The following PRKG1 variants were observed in gnomAD, a reference collection of about 807,000 sequenced individuals.
The protein encoded by PRKG1 is protein kinase cGMP-dependent 1.
Under a neutral mutation model 88.1 loss-of-function variants are expected in PRKG1, and 35 were observed. That is an observed-to-expected ratio of 0.40 (90% confidence interval 0.30 to 0.53). PRKG1 has a LOEUF of 0.53. Among genes scored for constraint, PRKG1 ranks in the 20% least tolerant of loss-of-function variants. The pLI is 0.59. For missense variants in PRKG1, 540 were observed against 839.8 expected (o/e 0.64, Z 4.41); for synonymous variants, 303 against 292.5 (o/e 1.04, Z -0.37).
intron 6 of PRKG1, among the ~76,000 whole-genome samples, chr10:52,057,616 T>C (rs374814512): frequency 1.3e-5 from 2 of 152,170 alleles, no homozygotes; most frequent in Non-Finnish European, 2.9e-5. Flanking sequence ...CTCAAATAGA[T>C]TTTGATTTTT....
At chr10:51,963,419 T>C (rs1460618689) in intron 5 of PRKG1, among the ~76,000 whole-genome samples, 4 of 152,098 alleles carry the variant, frequency 2.6e-5, no homozygotes, top group Non-Finnish European at 5.9e-5. Context: ...TTAGATCTAG[T>C]GTCTTATTTT....
At chr10:51,110,028 A>G (rs981197699) in intron 1 of PRKG1, among the ~76,000 whole-genome samples, 1 of 152,152 alleles carries the variant, frequency 6.6e-6, no homozygotes, top group African/African-American at 2.4e-5. Flanking sequence ...GTGAATCATT[A>G]GAATGATTAA....
intron 9 of PRKG1, among the ~76,000 whole-genome samples, chr10:52,217,301 G>T (rs1404678828): frequency 6.6e-6 from 1 of 151,554 alleles, no homozygotes; most frequent in East Asian, 1.9e-4. Context: ...AGAGATGTGC[G>T]GGGTAAATAT....
chr10:51,663,362 T>C (rs1025722607), intron 3 of PRKG1, among the ~76,000 whole-genome samples: 1 of 152,116 alleles, frequency 6.6e-6, no homozygotes, highest in Admixed American at 6.6e-5. Flanking sequence ...TTTCATCTTA[T>C]AGCTTATTCC....
intron 1 of PRKG1, among the ~76,000 whole-genome samples, chr10:51,124,636 TG>T (rs150126180): frequency 1.2e-4 from 19 of 152,330 alleles, no homozygotes; most frequent in Admixed American, 3.9e-4. Flanking sequence ...CTTTTATGTA[TG>T]AAAGATCTTA....
chr10:51,011,581 A>C (rs4935211), intron 1 of PRKG1, among the ~76,000 whole-genome samples: 27,513 of 152,188 alleles, frequency 0.18, 3,081 homozygotes, highest in South Asian at 0.3. Context: ...TGGCTGCCAA[A>C]AATTATTTAA....
chr10:51,079,285 G>A (rs953632656), intron 1 of PRKG1, among the ~76,000 whole-genome samples: 4 of 152,150 alleles, frequency 2.6e-5, no homozygotes, highest in African/African-American at 4.8e-5. Flanking sequence ...GATAGAGTAA[G>A]GTAAGTCACA....
In PRKG1 at chr10:52,016,660, A is replaced by T. The variant is rs544341643; in HGVS notation, c.763-37824A>T. Among the ~76,000 whole-genome samples the T allele has an allele frequency of 2.0e-5, 3 of 152,334 alleles. No individual in the cohort carries two copies. The South Asian group carries it at 6.2e-4, about 32-fold the overall frequency. ...TGTGGAAATAATGTAGTCACTTACA[A>T]ATATTTTCTAAATCCTTTATTATGT... On this transcript the variant is annotated intron_variant, in intron 5 of 17. Coordinates refer to ENST00000373980, the MANE Select transcript of PRKG1 (RefSeq NM_006258.4).
chr10:51,601,653 T>C (rs2132226708), intron 3 of PRKG1, among the ~76,000 whole-genome samples: 1 of 151,332 alleles, frequency 6.6e-6, no homozygotes, highest in African/African-American at 2.4e-5. Context: ...TAAAGGAGGT[T>C]TCTGTTTTCT....
intron 2 of PRKG1, among the ~76,000 whole-genome samples, chr10:51,309,119 A>T (rs1841115121): frequency 6.6e-6 from 1 of 152,178 alleles, no homozygotes; most frequent in South Asian, 2.1e-4. Flanking sequence ...ACAGTCTTCC[A>T]GTTGGTCAAG....
intron 9 of PRKG1, among the ~76,000 whole-genome samples, chr10:52,209,006 T>C (rs1325472234): frequency 6.6e-6 from 1 of 152,200 alleles, no homozygotes; most frequent in African/African-American, 2.4e-5. Flanking sequence ...ATGTAGAAAA[T>C]ATGCTTAAGA....
At chr10:52,121,794 T>G (rs547234500) in intron 7 of PRKG1, among the ~76,000 whole-genome samples, 1 of 152,290 alleles carries the variant, frequency 6.6e-6, no homozygotes, top group Admixed American at 6.5e-5. Context: ...TCTAAGAAGA[T>G]TTAGTTTCTC....
rs560599622 is a variant in PRKG1 at position 51,457,196 on chromosome 10, A to G, written c.479-10527A>G. On this transcript the variant is annotated intron_variant, in intron 2 of 17. Coordinates refer to ENST00000373980, the MANE Select transcript of PRKG1 (RefSeq NM_006258.4). ...CAGCCTAAATGTCCATCAATCAATG[A>G]GTGGATAAAGAAAATGTAGTATATA... Among the ~76,000 whole-genome samples, 5 of 152,342 alleles carry G rather than the reference A, an allele frequency of 3.3e-5. No individual in the cohort carries two copies. In the South Asian group the frequency reaches 1.0e-3, roughly 32 times the overall value.
chr10:51,728,474 T>TTTTTG (rs1842194364), intron 3 of PRKG1, among the ~76,000 whole-genome samples: 1 of 142,104 alleles, frequency 7.0e-6, no homozygotes, highest in African/African-American at 2.6e-5. Context: ...TTTTTTTTTT[T>TTTTTG]TTTTTTAATC....
At chr10:51,671,590 C>CTTTTT (rs757314460) in intron 3 of PRKG1, among the ~76,000 whole-genome samples, 2 of 141,772 alleles carry the variant, frequency 1.4e-5, no homozygotes. Flanking sequence ...CTCTCTCTCT[C>CTTTTT]TTTTTTTTTT....
intron 1 of PRKG1, among the ~76,000 whole-genome samples, chr10:50,999,517 A>C (rs954619039): frequency 3.3e-5 from 5 of 152,224 alleles, no homozygotes; most frequent in Non-Finnish European, 7.3e-5. Context: ...AGAGTACTTT[A>C]AAATGTGTTT....
intron 3 of PRKG1, among the ~76,000 whole-genome samples, chr10:51,505,117 A>T (rs1841155974): frequency 6.6e-6 from 1 of 152,126 alleles, no homozygotes; most frequent in Non-Finnish European, 1.5e-5. Context: ...TTTGTCATAG[A>T]TAGCTCTTAT....
In PRKG1 at chr10:51,172,491, G is replaced by A. The variant is rs146832259; in HGVS notation, c.478+19161G>A. On this transcript the variant is annotated intron_variant, in intron 2 of 17. Coordinates refer to ENST00000373980, the MANE Select transcript of PRKG1 (RefSeq NM_006258.4). ...AATCTTTTGGAAAGCTTGGATTTGT[G>A]CTATCAATATGAAAGGAAAGTACCT... 1.7e-3 allele frequency among the ~76,000 whole-genome samples: 255 copies of A among 152,104 alleles called. 2 individuals are homozygous for A. Among genetic ancestry groups the A allele is most frequent in the African/African-American group, 6.0e-3 (248 of 41,536 alleles).
In PRKG1 at chr10:51,153,344, C is replaced by T; in HGVS notation, c.478+14C>T. 6.3e-7 allele frequency: 1 copy of T among 1,575,910 alleles called. No individual in the cohort carries two copies. The highest frequency in any genetic ancestry group is 8.6e-7 in the Non-Finnish European group (1 of 1,158,252). On this transcript the variant is annotated intron_variant, in intron 2 of 17. Coordinates refer to ENST00000373980, the MANE Select transcript of PRKG1 (RefSeq NM_006258.4). ...ATGTCATGGAAGGTACGGTTTGTAA[C>T]TCCAATCCTCTGACATTCAAATATT...
Sources: gnomAD v4.1 joint callset for allele counts (sites outside exome capture counted in the v4.1 genomes callset) on GRCh38, gnomAD v4.1.1 for gene constraint, MANE v1.5 for transcripts, NCBI Gene and HGNC (gene_info 2026-07-23, HGNC 2026-07-21) for gene names.